Variants in USP32 observed in about 807,000 individuals in gnomAD.
USP32 encodes the protein ubiquitin specific peptidase 32, also known as ubiquitin carboxyl-terminal hydrolase 32.
Under a neutral mutation model 204.8 loss-of-function variants are expected in USP32, and 59 were observed. The ratio of observed to expected loss-of-function variants is 0.29; its 90% CI spans 0.23 to 0.36. USP32 has a LOEUF of 0.36. Among genes scored for constraint, USP32 ranks in the 10% least tolerant of loss-of-function variants. USP32 has a pLI of 1.00. For synonymous variants in USP32, 517 were observed against 678.4 expected (o/e 0.76, Z 3.70); for missense variants, 1,160 against 1,946.4 (o/e 0.60, Z 7.60).
chr17:60,295,224 G>C (rs867920484), intron 3 of USP32, among the ~76,000 whole-genome samples: 1 of 149,828 alleles, frequency 6.7e-6, no homozygotes, highest in Non-Finnish European at 1.5e-5. Flanking sequence ...AATACTGTTT[G>C]TAAGAGCAAA....
chr17:60,316,428 T>C (rs2087979649), intron 2 of USP32, among the ~76,000 whole-genome samples: 1 of 152,062 alleles, frequency 6.6e-6, no homozygotes, highest in Non-Finnish European at 1.5e-5. Flanking sequence ...TTAATATAAA[T>C]ATGGGTATGT....
At chr17:60,267,711 G>C (rs1422552269) in intron 7 of USP32, among the ~76,000 whole-genome samples, 5 of 152,116 alleles carry the variant, frequency 3.3e-5, no homozygotes, top group African/African-American at 1.2e-4. Context: ...AGTAGAGACA[G>C]GGTTTCACCA....
At chr17:60,262,081 A>G (rs2086466875) in intron 9 of USP32, among the ~76,000 whole-genome samples, 1 of 152,208 alleles carries the variant, frequency 6.6e-6, no homozygotes, top group Admixed American at 6.5e-5. Context: ...AATTTAATGG[A>G]TGTTTTACTG....
upstream of USP32, among the ~76,000 whole-genome samples, chr17:60,396,062 C>T (rs1598315894): frequency 7.7e-6 from 1 of 130,400 alleles, no homozygotes; most frequent in African/African-American, 3.1e-5. Flanking sequence ...CACTAAAGCA[C>T]TTGAAGCTTT....
At chr17:60,181,112 C>T (rs558773609) in intron 32 of USP32, among the ~76,000 whole-genome samples, 1 of 152,180 alleles carries the variant, frequency 6.6e-6, no homozygotes, top group South Asian at 2.1e-4. Context: ...TCAAGTGATC[C>T]TCCTGCCTCA....
intron 31 of USP32, among the ~76,000 whole-genome samples, chr17:60,182,571 T>G (rs899727478): frequency 1.3e-5 from 2 of 152,088 alleles, no homozygotes; most frequent in African/African-American, 4.8e-5. Flanking sequence ...GAGCCCAGCC[T>G]GGGAAATATG....
At chr17:60,389,415 C>A (rs907718664) in intron 1 of USP32, among the ~76,000 whole-genome samples, 3 of 151,894 alleles carry the variant, frequency 2.0e-5, no homozygotes, top group African/African-American at 7.3e-5. Context: ...TGGTGGCATG[C>A]GCCTGTAGTC....
At chr17:60,189,040 G>A (rs1353447798) in intron 29 of USP32, among the ~76,000 whole-genome samples, 1 of 152,216 alleles carries the variant, frequency 6.6e-6, no homozygotes, top group Non-Finnish European at 1.5e-5. Flanking sequence ...GTTAAAAAGG[G>A]GAAGAGATTT....
At chr17:60,195,490 AC>A (rs1365456139) in intron 27 of USP32, among the ~76,000 whole-genome samples, 1 of 152,168 alleles carries the variant, frequency 6.6e-6, no homozygotes, top group African/African-American at 2.4e-5. Flanking sequence ...GGCACGTACC[AC>A]CATGCCCGGC....
intron 1 of USP32, among the ~76,000 whole-genome samples, chr17:60,377,218 G>A (rs1344333136): frequency 1.3e-5 from 2 of 152,138 alleles, no homozygotes; most frequent in Non-Finnish European, 2.9e-5. Context: ...CCAGCACTTT[G>A]GGAGGCCAAG....
At position 60,383,046 on chromosome 17, in the gene USP32, G is replaced by A. The variant is rs375961125; in HGVS notation, c.58+8836C>T. Among the ~76,000 whole-genome samples the A allele has an allele frequency of 1.3e-3, 200 of 152,124 alleles. 1 individual carries two copies. Among genetic ancestry groups the A allele is most frequent in the African/African-American group, 4.5e-3 (187 of 41,500 alleles). ...GTGGATCACGAGGTCAAGAAATGAA[G>A]ACCATCCTGGCCAACATGCTGAAAC... is the stretch of plus-strand genomic sequence containing the variant. On this transcript the variant is annotated intron_variant, in intron 1 of 33. Transcript: ENST00000300896.
chr17:60,279,607 C>A (rs1470099702), intron 5 of USP32, among the ~76,000 whole-genome samples: 1 of 151,858 alleles, frequency 6.6e-6, no homozygotes, highest in East Asian at 1.9e-4. Flanking sequence ...GAGGCTGAGG[C>A]AGGTAGATCA....
At chr17:60,409,626 A>C (rs1318554571) in intron 1 of USP32, among the ~76,000 whole-genome samples, 2 of 152,224 alleles carry the variant, frequency 1.3e-5, no homozygotes. Flanking sequence ...ATGATAGTGA[A>C]AAAAAGTCTG....
intron 3 of USP32, among the ~76,000 whole-genome samples, chr17:60,296,053 T>C (rs961141920): frequency 2.6e-5 from 4 of 152,116 alleles, no homozygotes; most frequent in Admixed American, 2.0e-4. Context: ...GTAACCTCTG[T>C]AGAGGGAAGA....
At chr17:60,222,672 A>G in intron 14 of USP32, 123 bp from the exon 15 acceptor site, 1 of 961,358 alleles carries the variant, frequency 1.0e-6, no homozygotes, top group Non-Finnish European at 1.5e-6. Context: ...TGCTGGAAAA[A>G]CTTAATTTTT....
intron 2 of USP32, among the ~76,000 whole-genome samples, chr17:60,334,561 A>G (rs62082069): frequency 0.11 from 15,284 of 143,064 alleles, 2,014 homozygotes; most frequent in African/African-American, 0.31. Flanking sequence ...GCGTGGTTGC[A>G]GGCGCCTGTA....
At chr17:60,366,884 G>A (rs2089325790) in intron 1 of USP32, among the ~76,000 whole-genome samples, 1 of 152,004 alleles carries the variant, frequency 6.6e-6, no homozygotes, top group Non-Finnish European at 1.5e-5. Context: ...GTGCCAGGGT[G>A]CGATCTCGGC....
At position 60,223,409 on chromosome 17, in the gene USP32, A is replaced by G. The variant is rs2085305418; in HGVS notation, c.1608+2T>C. 1.9e-6 allele frequency: 3 copies of G among 1,600,800 alleles called. No homozygotes were observed. The highest frequency in any genetic ancestry group is 2.3e-5 in the South Asian group (2 of 87,466). ...TTTAAGTTTAGATGTAAAATTACTT[A>G]CCTTTACTGGTTCTTGAGTTACTAA... On this transcript the variant is annotated splice_donor_variant, in intron 14 of 33. Coordinates refer to ENST00000300896, the MANE Select transcript of USP32 (RefSeq NM_032582.4). LOFTEE classifies it high-confidence loss of function.
At chr17:60,302,137 A>G (rs535493455) in intron 2 of USP32, among the ~76,000 whole-genome samples, 137 of 144,348 alleles carry the variant, frequency 9.5e-4, no homozygotes, top group African/African-American at 3.8e-3. Flanking sequence ...TTATTTATTT[A>G]TTTATTTATT....
Sources: allele counts gnomAD v4.1 joint callset (sites outside exome capture counted in the v4.1 genomes callset), GRCh38; gene constraint gnomAD v4.1.1; transcripts MANE v1.5; gene names NCBI Gene and HGNC (gene_info 2026-07-23, HGNC 2026-07-21).